COBL: variants seen among roughly 807,000 people sequenced by gnomAD.
COBL encodes protein cordon-bleu.
Under a neutral mutation model 98.8 loss-of-function variants are expected in COBL, and 51 were observed. The observed-to-expected ratio is 0.52, with a 90% CI of 0.41 to 0.65. The LOEUF (loss-of-function observed/expected upper bound fraction) is 0.65, where lower values mean the gene tolerates loss of function less well. Among genes scored for constraint, COBL ranks in the 30% least tolerant of loss-of-function variants. The pLI, the probability that COBL is intolerant of heterozygous loss-of-function variation, is 0.00. For synonymous variants in COBL, 634 were observed against 651.7 expected (o/e 0.97, Z 0.41); for missense variants, 1,617 against 1,617.5 (o/e 1.00, Z 0.01).
chr7:51,207,843 G>A (rs1415158258), intron 2 of COBL, among the ~76,000 whole-genome samples: 9 of 152,202 alleles, frequency 5.9e-5, no homozygotes, highest in East Asian at 1.9e-4. Context: ...GCCTCTGCCC[G>A]GCCACCACCC....
chr7:51,186,057 C>T (rs1477922308), intron 4 of COBL, among the ~76,000 whole-genome samples: 1 of 152,252 alleles, frequency 6.6e-6, no homozygotes, highest in Non-Finnish European at 1.5e-5. Context: ...AGCACCAATG[C>T]ATGTGTGCAA....
chr7:51,258,552 C>A (rs1376581603), intron 1 of COBL, among the ~76,000 whole-genome samples: 1 of 152,160 alleles, frequency 6.6e-6, no homozygotes, highest in East Asian at 1.9e-4. Flanking sequence ...AACCTACTGT[C>A]TTTTCTTTGA....
chr7:51,282,351 T>C (rs75778765), intron 1 of COBL, among the ~76,000 whole-genome samples: 2,168 of 152,184 alleles, frequency 0.014, 42 homozygotes, highest in African/African-American at 0.049. Context: ...AATATGATTA[T>C]GTAGGTGGTT....
chr7:51,031,198 C>A (rs1788111567), intron 8 of COBL: 6 of 337,400 alleles, frequency 1.8e-5, no homozygotes, highest in Non-Finnish European at 3.2e-5. Flanking sequence ...GTGTGGGGCC[C>A]CAAAGTGTTA....
At chr7:51,018,190 G>A (rs988126026) in intron 12 of COBL, among the ~76,000 whole-genome samples, 1 of 151,952 alleles carries the variant, frequency 6.6e-6, no homozygotes, top group African/African-American at 2.4e-5. Context: ...TATGGTAATC[G>A]TGGTGGTGGT....
chr7:51,296,386 G>T (rs1034841346), intron 1 of COBL, among the ~76,000 whole-genome samples: 3 of 152,056 alleles, frequency 2.0e-5, no homozygotes, highest in African/African-American at 4.8e-5. Flanking sequence ...TGTAAAGTTT[G>T]TCCTAACATG....
intron 6 of COBL, among the ~76,000 whole-genome samples, chr7:51,091,688 CTAGA>C: frequency 6.6e-6 from 1 of 152,270 alleles, no homozygotes; most frequent in East Asian, 1.9e-4. Context: ...AGGACTCCAA[CTAGA>C]ATAAACCCAA....
chr7:51,300,372 G>C (rs967021392), intron 1 of COBL, among the ~76,000 whole-genome samples: 1 of 152,106 alleles, frequency 6.6e-6, no homozygotes, highest in African/African-American at 2.4e-5. Context: ...TGTTGGCCAG[G>C]CTGGTCTCAA....
At chr7:51,233,581 C>A (rs1008421697) in intron 1 of COBL, among the ~76,000 whole-genome samples, 1 of 152,224 alleles carries the variant, frequency 6.6e-6, no homozygotes, top group Admixed American at 6.5e-5. Context: ...TGCTGATAAG[C>A]CCCGTCCATT....
chr7:51,279,033 T>C (rs138015607), intron 1 of COBL, among the ~76,000 whole-genome samples: 1 of 152,350 alleles, frequency 6.6e-6, no homozygotes, highest in African/African-American at 2.4e-5. Context: ...GCTGTTGTCA[T>C]ACTCAAATTA....
chr7:51,279,133 G>C (rs547553430), intron 1 of COBL, among the ~76,000 whole-genome samples: 2 of 152,310 alleles, frequency 1.3e-5, no homozygotes, highest in East Asian at 3.9e-4. Flanking sequence ...TACACAGAGA[G>C]GCTGCCTGAC....
At chr7:51,203,237 C>A (rs910170338) in intron 2 of COBL, among the ~76,000 whole-genome samples, 1 of 115,832 alleles carries the variant, frequency 8.6e-6, no homozygotes, top group African/African-American at 4.3e-5. Context: ...CCGAGGCGGG[C>A]GGATCACGAG....
chr7:51,077,430 C>G (rs958029811), intron 7 of COBL, among the ~76,000 whole-genome samples: 1 of 152,196 alleles, frequency 6.6e-6, no homozygotes, highest in Non-Finnish European at 1.5e-5. Flanking sequence ...CTGACCATGA[C>G]AGCCAGGAAG....
intron 8 of COBL, among the ~76,000 whole-genome samples, chr7:51,039,679 T>C (rs1562830536): frequency 1.3e-5 from 2 of 152,174 alleles, no homozygotes; most frequent in Admixed American, 1.3e-4. Context: ...AGCTGACAAA[T>C]AGGCAAGCAA....
At chr7:51,054,596 G>A (rs147312108) in intron 7 of COBL, among the ~76,000 whole-genome samples, 20 of 152,274 alleles carry the variant, frequency 1.3e-4, no homozygotes, top group African/African-American at 3.8e-4. Flanking sequence ...TGTGGGCCCC[G>A]TTCCTCTCTG....
chr7:51,298,768 G>A (rs1223954458), intron 1 of COBL, among the ~76,000 whole-genome samples: 2 of 152,118 alleles, frequency 1.3e-5, no homozygotes, highest in Non-Finnish European at 2.9e-5. Context: ...TCCTACCTCA[G>A]GAGTTAATAA....
At chr7:51,136,359 CA>C (rs1430173562) in intron 5 of COBL, 28 bp from the exon 6 acceptor site, 5 of 1,597,474 alleles carry the variant, frequency 3.1e-6, no homozygotes, top group Non-Finnish European at 4.3e-6. Flanking sequence ...AACAGAAAAC[CA>C]AATCAGTATG....
chr7:51,147,096 T>C (rs564592585), intron 5 of COBL, among the ~76,000 whole-genome samples: 1 of 152,230 alleles, frequency 6.6e-6, no homozygotes, highest in South Asian at 2.1e-4. Flanking sequence ...CCTCTCAGAA[T>C]CCAGTCAGGA....
At chr7:51,171,134 G>A (rs1787830860) in intron 5 of COBL, among the ~76,000 whole-genome samples, 2 of 152,074 alleles carry the variant, frequency 1.3e-5, no homozygotes, top group South Asian at 4.1e-4. Flanking sequence ...ATGAGCAAAA[G>A]AGCCTTAAGT....
Sources: allele counts gnomAD v4.1 joint callset (sites outside exome capture counted in the v4.1 genomes callset), GRCh38; gene constraint gnomAD v4.1.1; transcripts MANE v1.5; gene names NCBI Gene and HGNC (gene_info 2026-07-23, HGNC 2026-07-21).